ERCC6: variants seen among roughly 807,000 people sequenced by gnomAD.
ERCC6 encodes the protein ERCC excision repair 6, chromatin remodeling factor.
A neutral mutation model predicts 158.7 loss-of-function variants in ERCC6; 116 were observed. The observed-to-expected ratio is 0.73, with a 90% confidence interval of 0.63 to 0.85. The LOEUF (loss-of-function observed/expected upper bound fraction) is 0.85. Among genes scored for constraint, ERCC6 ranks in the 40% least tolerant of loss-of-function variants. The pLI is 0.00. For synonymous variants in ERCC6, 678 were observed against 659.3 expected (o/e 1.03, Z -0.43); for missense variants, 1,698 against 1,799.4 (o/e 0.94, Z 1.02).
chr10:49,470,905 A>G lies in ERCC6; in HGVS notation c.3071-16T>C. 1 of 1,613,560 alleles carries G rather than the reference A, an allele frequency of 6.2e-7. No homozygotes were observed. Among genetic ancestry groups the G allele is most frequent in the Non-Finnish European group, 8.5e-7 (1 of 1,179,656 alleles). Reference sequence around the variant, plus strand: ...GATCCAGTTCCTGTAAAGAGGAAAAACACCACTAATACTATATTGTATCAT... The same window carrying G: ...GATCCAGTTCCTGTAAAGAGGAAAAGCACCACTAATACTATATTGTATCAT... On this transcript the variant is annotated splice_polypyrimidine_tract_variant and intron_variant, in intron 17 of 20. Coordinates refer to ENST00000355832, the MANE Select transcript of ERCC6 (RefSeq NM_000124.4).
intron 7 of ERCC6, among the ~76,000 whole-genome samples, chr10:49,494,017 A>G (rs1483963662): frequency 6.6e-6 from 1 of 152,236 alleles, no homozygotes; most frequent in African/African-American, 2.4e-5. Context: ...CAATAAAAAC[A>G]TTTACACACT....
Position 49,524,450 on chromosome 10 carries a change from C to T in ERCC6, c.980G>A (p.Arg327His), listed in dbSNP as rs150065567. Residue 327 changes from arginine to histidine, a missense_variant, in exon 5 of 21, where the codon CGT (arginine) becomes CAT (histidine). Transcript: ENST00000355832. Reference protein sequence around the residue: ...KARVLSKKEERLKKHIKKLQK... With the variant: ...KARVLSKKEEHLKKHIKKLQK... ...GAGTTTCTTGATGTGCTTTTTCAAA[C>T]GCTCCTCTTTTTTGGACAGAACTCT... 77 of 1,614,022 alleles carry T rather than the reference C, an allele frequency of 4.8e-5. No homozygotes were observed. Among genetic ancestry groups the T allele is most frequent in the African/African-American group, 9.3e-5 (7 of 74,922 alleles).
At chr10:49,464,217 G>GAC (rs1174324916) in intron 18 of ERCC6, among the ~76,000 whole-genome samples, 1 of 152,236 alleles carries the variant, frequency 6.6e-6, no homozygotes, top group Non-Finnish European at 1.5e-5. Context: ...GAGCAAAGGT[G>GAC]ACTCTTGTTA....
chr10:49,483,429 T>C lies in ERCC6; in HGVS notation c.1909A>G (p.Arg637Gly), dbSNP rs1851016192. ...AAGATCACATAGTGCCAGTCATACC[T>C]GCTAATGTCATCCTGCATCAATCGA... ...YIRLMQDDIS[R>G]YDWHYVILDE... Residue 637 changes from arginine (R) to glycine (G), a missense_variant, in exon 9 of 21, where the codon AGG becomes GGG. Coordinates refer to ENST00000355832, the MANE Select transcript of ERCC6 (RefSeq NM_000124.4). 4 of 1,614,168 alleles carry C rather than the reference T, an allele frequency of 2.5e-6. No individual in the cohort carries two copies. The highest frequency in any genetic ancestry group is 3.4e-6 in the Non-Finnish European group (4 of 1,179,994).
the ERCC6 span, among the ~76,000 whole-genome samples, chr10:49,444,453 G>A: frequency 6.6e-6 from 1 of 152,180 alleles, no homozygotes; most frequent in African/African-American, 2.4e-5. Flanking sequence ...CACTGGAGGA[G>A]GCAAAAGGAG....
At chr10:49,514,072 G>A (rs1369512855) in intron 5 of ERCC6, among the ~76,000 whole-genome samples, 4 of 152,204 alleles carry the variant, frequency 2.6e-5, no homozygotes, top group African/African-American at 9.6e-5. Flanking sequence ...AACTGCCACA[G>A]AACGAAAGCA....
chr10:49,438,386 A>G, the ERCC6 span, among the ~76,000 whole-genome samples: 1 of 152,204 alleles, frequency 6.6e-6, no homozygotes. Context: ...GTGAGAAAGT[A>G]GAAAAAGTGG....
At chr10:49,511,632 G>T (rs1232092787) in intron 5 of ERCC6, among the ~76,000 whole-genome samples, 1 of 151,538 alleles carries the variant, frequency 6.6e-6, no homozygotes, top group East Asian at 1.9e-4. Context: ...TGCCATATTG[G>T]CCAAGCTGGT....
Position 49,524,118 on chromosome 10 carries a change from A to T in ERCC6, c.1312T>A (p.Ser438Thr). 1 of 1,614,010 alleles carries T rather than the reference A, an allele frequency of 6.2e-7. No individual in the cohort carries two copies. Among genetic ancestry groups the T allele is most frequent in the Non-Finnish European group, 8.5e-7 (1 of 1,180,004 alleles). ...CCTCCTCCTCCTCCTTCTCCTACAG[A>T]AGCAGCTTCAGCTTCTTCCCCAGAA... ...PSSGEEAEAASVGEGGGGGRK... is the reference protein window; with the variant it reads ...PSSGEEAEAATVGEGGGGGRK... Residue 438 changes from serine to threonine, a missense_variant, in exon 5 of 21, where the codon TCT (serine) becomes ACT (threonine). Coordinates refer to ENST00000355832, the MANE Select transcript of ERCC6 (RefSeq NM_000124.4).
intron 5 of ERCC6, among the ~76,000 whole-genome samples, chr10:49,520,851 T>C (rs896151217): frequency 6.6e-6 from 1 of 152,154 alleles, no homozygotes; most frequent in Non-Finnish European, 1.5e-5. Context: ...CCTGAGGAAA[T>C]AATGTGCCTC....
chr10:49,539,274 G>T (rs1194536827), upstream of ERCC6, among the ~76,000 whole-genome samples: 1 of 152,262 alleles, frequency 6.6e-6, no homozygotes, highest in Non-Finnish European at 1.5e-5. Flanking sequence ...AGGACGCTTC[G>T]CCCCTAGCGA....
chr10:49,449,755 T>C (rs946192814), downstream of ERCC6, among the ~76,000 whole-genome samples: 1 of 152,026 alleles, frequency 6.6e-6, no homozygotes, highest in Non-Finnish European at 1.5e-5. Flanking sequence ...TTTCACCATA[T>C]TGACCAGGCT....
chr10:49,454,359 C>T (rs1438586508), downstream of ERCC6, among the ~76,000 whole-genome samples: 4 of 152,186 alleles, frequency 2.6e-5, no homozygotes, highest in African/African-American at 9.6e-5. Flanking sequence ...TACCTCTGGA[C>T]AGGGAGCTGA....
Position 49,505,838 on chromosome 10 carries a change from TA to T in ERCC6, c.1526+45del, listed in dbSNP as rs757921877. On this transcript the variant is annotated intron_variant, in intron 6 of 20. Transcript: ENST00000355832. ...AATTCCTAAAATGTTAATTTGTACA[TA>T]ATGGCTTGATAGCAAATAGAAAGGA... 9 of 1,610,374 alleles carry T rather than the reference TA, an allele frequency of 5.6e-6. No individual in the cohort carries two copies. The East Asian group carries it at 2.0e-4, about 36-fold the overall frequency.
At chr10:49,473,065 T>TA in intron 14 of ERCC6, 37 bp from the exon 15 acceptor site, 1 of 1,613,566 alleles carries the variant, frequency 6.2e-7, no homozygotes, top group Non-Finnish European at 8.5e-7. Flanking sequence ...CACACACACT[T>TA]AAGACCAGTT....
chr10:49,517,097 A>C, intron 5 of ERCC6: 1 of 1,596,514 alleles, frequency 6.3e-7, no homozygotes, highest in South Asian at 1.1e-5. Flanking sequence ...TTTCATGTAA[A>C]CTTAGTGTTC....
In ERCC6 at chr10:49,454,744, C is replaced by T. The variant is rs1399740594; in HGVS notation, c.*4071G>A. ...GCTATACAATTATATCAATATATAC[C>T]AGAAAAGACTTTGAGGACAATCATT... On this transcript the variant is annotated 3_prime_UTR_variant, in exon 21 of 21. Transcript: ENST00000355832. 6.6e-6 allele frequency among the ~76,000 whole-genome samples: 1 copy of T among 151,828 alleles called. No homozygotes were observed. Among genetic ancestry groups the T allele is most frequent in the Non-Finnish European group, 1.5e-5 (1 of 67,952 alleles).
At chr10:49,520,034 G>A (rs61851015) in intron 5 of ERCC6, among the ~76,000 whole-genome samples, 1 of 152,192 alleles carries the variant, frequency 6.6e-6, no homozygotes, top group Non-Finnish European at 1.5e-5. Flanking sequence ...TCCCTGCCAG[G>A]CCCTCCCCTG....
downstream of ERCC6, among the ~76,000 whole-genome samples, chr10:49,449,936 G>A (rs1189479841): frequency 1.3e-5 from 2 of 151,964 alleles, no homozygotes; most frequent in Non-Finnish European, 2.9e-5. Context: ...ACAGTGGCAT[G>A]CTCATGGATC....
Sources: gnomAD v4.1 joint callset for allele counts (sites outside exome capture counted in the v4.1 genomes callset) on GRCh38, gnomAD v4.1.1 for gene constraint, MANE v1.5 for transcripts, NCBI Gene and HGNC (gene_info 2026-07-23, HGNC 2026-07-21) for gene names.